The following INPP4B variants were observed in gnomAD, a reference collection of about 807,000 sequenced individuals.
INPP4B encodes the protein inositol polyphosphate 4-phosphatase type II.
INPP4B carries 55 observed loss-of-function variants against 122.5 expected under a neutral mutation model. That is an observed-to-expected ratio of 0.45 (90% CI 0.36 to 0.56). The LOEUF (loss-of-function observed/expected upper bound fraction) is 0.56. Ranked by LOEUF, INPP4B falls within the 20% of genes least tolerant of loss-of-function variation. The pLI, the probability that INPP4B is intolerant of heterozygous loss-of-function variation, is 0.00. For missense variants in INPP4B, 1,000 were observed against 1,097.7 expected (o/e 0.91, Z 1.26); for synonymous variants, 403 against 388.7 (o/e 1.04, Z -0.43).
At chr4:142,080,238 A>G (rs1438085776) in intron 25 of INPP4B, among the ~76,000 whole-genome samples, 1 of 152,106 alleles carries the variant, frequency 6.6e-6, no homozygotes, top group Non-Finnish European at 1.5e-5. Context: ...CCTCATGTTC[A>G]TATCTACTCT....
chr4:142,214,502 G>A (rs1012666098), intron 12 of INPP4B, among the ~76,000 whole-genome samples: 10 of 152,186 alleles, frequency 6.6e-5, no homozygotes, highest in Admixed American at 3.3e-4. Context: ...TTAAGCACTA[G>A]ACAAAAGGTC....
intron 23 of INPP4B, among the ~76,000 whole-genome samples, chr4:142,098,783 A>G (rs1182465905): frequency 1.3e-5 from 2 of 152,146 alleles, no homozygotes; most frequent in African/African-American, 2.4e-5. Flanking sequence ...GGTGTTAAGC[A>G]GGATACAAGA....
intron 2 of INPP4B, among the ~76,000 whole-genome samples, chr4:142,707,730 C>T (rs1030474880): frequency 2.0e-5 from 3 of 152,190 alleles, no homozygotes; most frequent in Non-Finnish European, 2.9e-5. Flanking sequence ...ATTACCCAGT[C>T]TCAAGTAGTT....
intron 11 of INPP4B, among the ~76,000 whole-genome samples, chr4:142,259,099 C>G (rs1301000084): frequency 5.3e-5 from 8 of 150,266 alleles, no homozygotes; most frequent in Non-Finnish European, 1.2e-4. Flanking sequence ...TAAATTATCA[C>G]AAGAGCAAAA....
intron 1 of INPP4B, among the ~76,000 whole-genome samples, chr4:142,839,700 G>A (rs1244932719): frequency 1.3e-5 from 2 of 152,148 alleles, no homozygotes; most frequent in African/African-American, 4.8e-5. Context: ...ATGTGAGTGG[G>A]ACTGTAAATG....
intron 2 of INPP4B, among the ~76,000 whole-genome samples, chr4:142,659,341 G>A (rs1754742328): frequency 6.6e-6 from 1 of 151,806 alleles, no homozygotes; most frequent in Admixed American, 6.6e-5. Flanking sequence ...GGGAGGTGGA[G>A]CTTGCAGTGA....
chr4:142,536,948 T>C (rs942726093), intron 2 of INPP4B, among the ~76,000 whole-genome samples: 2 of 151,834 alleles, frequency 1.3e-5, no homozygotes, highest in East Asian at 1.9e-4. Flanking sequence ...AGGCACGTGC[T>C]AGCATACCCA....
chr4:142,402,798 AAAACAAC>A, intron 7 of INPP4B, 133 bp downstream of exon 7: 1 of 609,028 alleles, frequency 1.6e-6, no homozygotes, highest in Non-Finnish European at 2.9e-6. Context: ...ATTTGGGAAA[AAAACAAC>A]AAACGATAAA....
intron 1 of INPP4B, among the ~76,000 whole-genome samples, chr4:142,821,086 A>T (rs549121598): frequency 1.3e-5 from 2 of 152,250 alleles, no homozygotes; most frequent in South Asian, 4.1e-4. Context: ...AATTATCTTC[A>T]CAATATGCAG....
At chr4:142,244,526 A>G (rs1726901321) in intron 11 of INPP4B, among the ~76,000 whole-genome samples, 1 of 151,520 alleles carries the variant, frequency 6.6e-6, no homozygotes, top group Non-Finnish European at 1.5e-5. Context: ...GATGGTCTTG[A>G]ACTCCTGACC....
At chr4:142,690,674 G>T (rs980803236) in intron 2 of INPP4B, among the ~76,000 whole-genome samples, 1 of 152,160 alleles carries the variant, frequency 6.6e-6, no homozygotes, top group Admixed American at 6.6e-5. Context: ...ATTGTAAATT[G>T]TTGCCTCCCA....
At chr4:142,402,362 A>AGT (rs1385846347) in intron 7 of INPP4B, among the ~76,000 whole-genome samples, 1 of 152,190 alleles carries the variant, frequency 6.6e-6, no homozygotes, top group Non-Finnish European at 1.5e-5. Context: ...ATGCAATTGG[A>AGT]GGAATATGCA....
chr4:142,073,300 A>G (rs1000048957), intron 25 of INPP4B, among the ~76,000 whole-genome samples: 1 of 152,124 alleles, frequency 6.6e-6, no homozygotes, highest in African/African-American at 2.4e-5. Flanking sequence ...TCGTTTGAAC[A>G]TTAATATATT....
At chr4:142,499,824 C>T (rs1823129109) in intron 2 of INPP4B, among the ~76,000 whole-genome samples, 1 of 152,120 alleles carries the variant, frequency 6.6e-6, no homozygotes, top group Admixed American at 6.6e-5. Context: ...TTTAAAACCT[C>T]TTACATCTAC....
chr4:142,574,103 C>T (rs893958845), intron 2 of INPP4B, among the ~76,000 whole-genome samples: 3 of 152,016 alleles, frequency 2.0e-5, no homozygotes, highest in African/African-American at 7.2e-5. Context: ...TTGCTTTCAT[C>T]AATACCAAAA....
intron 7 of INPP4B, among the ~76,000 whole-genome samples, chr4:142,333,185 T>G (rs1372686655): frequency 6.6e-6 from 1 of 152,168 alleles, no homozygotes; most frequent in East Asian, 1.9e-4. Context: ...GTTGGGGTCA[T>G]ATGCTTTGTT....
chr4:142,530,890 A>C (rs1827529156), intron 2 of INPP4B, among the ~76,000 whole-genome samples: 1 of 152,034 alleles, frequency 6.6e-6, no homozygotes, highest in African/African-American at 2.4e-5. Flanking sequence ...AGAACAGGTC[A>C]GAGATTGAGC....
Position 142,268,322 on chromosome 4 carries a change from C to CAAAAAAAAAAAAAAAAAAAAAAAAAA in INPP4B, c.615+2340_615+2341insTTTTTTTTTTTTTTTTTTTTTTTTTT, listed in dbSNP as rs56908599. Among the ~76,000 whole-genome samples, 57 of 6,902 alleles carry CAAAAAAAAAAAAAAAAAAAAAAAAAA rather than the reference C, an allele frequency of 8.3e-3. 23 individuals carry two copies. The highest frequency in any genetic ancestry group is 0.018 in the Non-Finnish European group (43 of 2,410). The allele number at this position is 6,902 out of a possible 152,430, so 4.5% of individuals were successfully genotyped here. ...TGGGTGACAGAGCAAGACTCCGTCTCAAAAAAAAAAAAAAAAAAAAAAAAT... is the reference window on the plus strand; with the variant it reads ...TGGGTGACAGAGCAAGACTCCGTCTCAAAAAAAAAAAAAAAAAAAAAAAAAAAAAAAAAAAAAAAAAAAAAAAAAAT... On this transcript the variant is annotated intron_variant, in intron 10 of 25. Transcript: ENST00000262992.
chr4:142,296,132 G>T (rs1758584242), intron 9 of INPP4B, among the ~76,000 whole-genome samples: 1 of 152,174 alleles, frequency 6.6e-6, no homozygotes, highest in Admixed American at 6.5e-5. Context: ...AACTATTGAA[G>T]TGTACTCTGG....
Sources: allele counts gnomAD v4.1 joint callset (sites outside exome capture counted in the v4.1 genomes callset), GRCh38; gene constraint gnomAD v4.1.1; transcripts MANE v1.5; gene names NCBI Gene and HGNC (gene_info 2026-07-23, HGNC 2026-07-21).